Variants in FMN2 observed in about 807,000 individuals in gnomAD.
FMN2 encodes formin-2.
A neutral mutation model predicts 142.3 loss-of-function variants in FMN2; 51 were observed. That is an observed-to-expected ratio of 0.36 (90% CI 0.29 to 0.45). The LOEUF (loss-of-function observed/expected upper bound fraction) is 0.45. Ranked by LOEUF, FMN2 falls within the 20% of genes least tolerant of loss-of-function variation. FMN2 has a pLI of 1.00. For missense variants in FMN2, 1,936 were observed against 2,122.8 expected (o/e 0.91, Z 1.73); for synonymous variants, 882 against 869.8 (o/e 1.01, Z -0.25).
intron 13 of FMN2, among the ~76,000 whole-genome samples, chr1:240,342,162 C>CA (rs753903539): frequency 1.1e-4 from 16 of 152,154 alleles, no homozygotes; most frequent in Admixed American, 6.5e-5. Context: ...GAGATATTTA[C>CA]ATTTTTTAAA....
chr1:240,323,161 TTCTCTCTTTC>T (rs905182619), intron 8 of FMN2, among the ~76,000 whole-genome samples: 2 of 150,504 alleles, frequency 1.3e-5, no homozygotes, highest in African/African-American at 4.9e-5. Flanking sequence ...CTCTTTCTCT[TTCTCTCTTTC>T]TCTCTCTTTT....
At position 240,092,599 on chromosome 1, in the gene FMN2, G is replaced by A. The variant is rs1661024518; in HGVS notation, c.490G>A (p.Glu164Lys). 7 of 1,613,918 alleles carry A rather than the reference G, an allele frequency of 4.3e-6. No homozygotes were observed. The highest frequency in any genetic ancestry group is 5.9e-6 in the Non-Finnish European group (7 of 1,180,012). Residue 164 changes from glutamate to lysine, a missense_variant, in exon 1 of 18, where the codon GAA (glutamate) becomes AAA (lysine). Around this residue, in one of 8 missense-constraint regions of FMN2, gnomAD observed 751 missense variants for 791.8 expected, o/e 0.95. Coordinates refer to ENST00000319653, the MANE Select transcript of FMN2 (RefSeq NM_020066.5). Reference sequence around the variant, plus strand: ...GGGCCGGCCGATCGCCGAGGATGTGGAAACTGCAGCAGGGGCGCAGGATGG... The same window carrying A: ...GGGCCGGCCGATCGCCGAGGATGTGAAAACTGCAGCAGGGGCGCAGGATGG... ...VGGRPIAEDV[E>K]TAAGAQDGQR...
intron 15 of FMN2, among the ~76,000 whole-genome samples, chr1:240,431,423 T>TATATATATATATATATACAC (rs1491221486): frequency 7.6e-6 from 1 of 130,954 alleles, no homozygotes; most frequent in African/African-American, 2.8e-5. Context: ...TATATATATA[T>TATATATATATATATATACAC]ACATATATAT....
chr1:240,121,767 G>C (rs1418042904), intron 1 of FMN2, among the ~76,000 whole-genome samples: 2 of 48,592 alleles, frequency 4.1e-5, no homozygotes, highest in Non-Finnish European at 8.0e-5. Context: ...AAAAAAAAAA[G>C]TCCTTAAGTT....
intron 14 of FMN2, among the ~76,000 whole-genome samples, chr1:240,361,610 G>T (rs1054566226): frequency 2.0e-5 from 3 of 152,214 alleles, no homozygotes; most frequent in African/African-American, 7.2e-5. Flanking sequence ...GTATCTGGGT[G>T]AGTGGGGGTA....
intron 13 of FMN2, among the ~76,000 whole-genome samples, chr1:240,348,136 A>G (rs920648784): frequency 1.3e-5 from 2 of 152,174 alleles, no homozygotes; most frequent in South Asian, 2.1e-4. Flanking sequence ...TACTCTCCAC[A>G]GTGGCTGGAC....
Position 240,475,102 on chromosome 1 carries a change from A to G in FMN2, c.*948A>G, listed in dbSNP as rs1676935826. 2 of 152,542 alleles carry G rather than the reference A, an allele frequency of 1.3e-5. No individual in the cohort carries two copies. The highest frequency in any genetic ancestry group is 4.1e-4 in the South Asian group (2 of 4,830). The allele number at this position is 152,542 out of a possible 1,614,324, so 9.4% of individuals were successfully genotyped here. ...CAAAGATCGCTATGTGCAATACTGTATTTAGTGTTTCTATTTCAATTTTTC... is the reference window on the plus strand; with the variant it reads ...CAAAGATCGCTATGTGCAATACTGTGTTTAGTGTTTCTATTTCAATTTTTC... On this transcript the variant is annotated 3_prime_UTR_variant, in exon 18 of 18. Transcript: ENST00000319653.
chr1:240,105,414 A>G (rs1216901555), intron 1 of FMN2, among the ~76,000 whole-genome samples: 1 of 152,090 alleles, frequency 6.6e-6, no homozygotes, highest in Non-Finnish European at 1.5e-5. Flanking sequence ...CGGCCTCCAT[A>G]TAAATTTAGA....
chr1:240,280,330 A>C (rs1411079362), intron 7 of FMN2, among the ~76,000 whole-genome samples: 1 of 151,900 alleles, frequency 6.6e-6, no homozygotes, highest in Non-Finnish European at 1.5e-5. Context: ...GGTTTCTTTC[A>C]GTGAGACATG....
chr1:240,245,510 G>A (rs185314122), intron 6 of FMN2: 2 of 471,422 alleles, frequency 4.2e-6, no homozygotes, highest in East Asian at 1.4e-4. Flanking sequence ...TGGAGATCAT[G>A]GTATCACTGA....
chr1:240,154,447 G>A lies in FMN2; in HGVS notation c.1783-23474G>A, dbSNP rs139441698. Among the ~76,000 whole-genome samples, 333 of 152,280 alleles carry A rather than the reference G, an allele frequency of 2.2e-3. 1 individual carries two copies. Among genetic ancestry groups the A allele is most frequent in the Non-Finnish European group, 3.9e-3 (268 of 68,014 alleles). ...CGGAAAACCTGGTTTCTGCCTCAGAGATACGGTTGGCTGTGAAAGATCCTG... is the reference window on the plus strand; with the variant it reads ...CGGAAAACCTGGTTTCTGCCTCAGAAATACGGTTGGCTGTGAAAGATCCTG... On this transcript the variant is annotated intron_variant, in intron 2 of 17. Coordinates refer to ENST00000319653, the MANE Select transcript of FMN2 (RefSeq NM_020066.5).
chr1:240,161,450 G>A lies in FMN2; in HGVS notation c.1783-16471G>A, dbSNP rs778180334. ...CAGGAGGCTGACACAGGAGAATGGC[G>A]TGAACCTGGGAGGCGGAACGTGCAG... On this transcript the variant is annotated intron_variant, in intron 2 of 17. Coordinates refer to ENST00000319653, the MANE Select transcript of FMN2 (RefSeq NM_020066.5). 2.0e-5 allele frequency among the ~76,000 whole-genome samples: 3 copies of A among 151,686 alleles called. 1 individual carries two copies. The highest frequency in any genetic ancestry group is 3.9e-4 in the East Asian group (2 of 5,172).
chr1:240,372,861 C>T (rs1414652), intron 14 of FMN2, among the ~76,000 whole-genome samples: 72,295 of 151,912 alleles, frequency 0.48, 17,396 homozygotes, highest in East Asian at 0.59. Context: ...TTAAAAACTA[C>T]GTACATACCT....
intron 2 of FMN2, chr1:240,170,462 G>A (rs1193568647): frequency 7.2e-7 from 1 of 1,383,344 alleles, no homozygotes; most frequent in African/African-American, 1.4e-5. Flanking sequence ...CCCACAGTGT[G>A]GAGAATGCAA....
At chr1:240,118,096 G>A (rs1662094098) in intron 1 of FMN2, among the ~76,000 whole-genome samples, 1 of 152,190 alleles carries the variant, frequency 6.6e-6, no homozygotes, top group African/African-American at 2.4e-5. Context: ...AGCTCAGTGT[G>A]TTTGAGGAGG....
At chr1:240,159,873 G>T (rs1572001680) in intron 2 of FMN2, among the ~76,000 whole-genome samples, 1 of 141,540 alleles carries the variant, frequency 7.1e-6, no homozygotes. Context: ...TGAATTATTT[G>T]CATACATGGA....
intron 15 of FMN2, among the ~76,000 whole-genome samples, chr1:240,430,411 CT>C (rs1675123068): frequency 6.6e-6 from 1 of 152,100 alleles, no homozygotes; most frequent in South Asian, 2.1e-4. Context: ...ACATGTGAGA[CT>C]TTATCAAGTC....
At chr1:240,106,947 G>T (rs1661637729) in intron 1 of FMN2, among the ~76,000 whole-genome samples, 1 of 151,624 alleles carries the variant, frequency 6.6e-6, no homozygotes, top group Non-Finnish European at 1.5e-5. Flanking sequence ...GCCTCCCAAA[G>T]TGCCGGTTTT....
chr1:240,218,043 G>C (rs1666969320), intron 6 of FMN2, among the ~76,000 whole-genome samples: 1 of 152,058 alleles, frequency 6.6e-6, no homozygotes, highest in Non-Finnish European at 1.5e-5. Context: ...CCAGCACTTT[G>C]GGAGGCCTAG....
Sources: gnomAD v4.1 joint callset for allele counts (sites outside exome capture counted in the v4.1 genomes callset) on GRCh38, gnomAD v4.1.1 for gene constraint, gnomAD v4.1.1 regional missense constraint, MANE v1.5 for transcripts, NCBI Gene and HGNC (gene_info 2026-07-23, HGNC 2026-07-21) for gene names.